DNAH12: variants seen among roughly 807,000 people sequenced by gnomAD.
DNAH12 encodes dynein axonemal heavy chain 12, also known as axonemal beta dynein heavy chain 12.
A neutral mutation model predicts 371.5 loss-of-function variants in DNAH12; 285 were observed. The observed-to-expected ratio is 0.77, with a 90% CI of 0.70 to 0.85. The LOEUF is 0.85. DNAH12 is among the 40% of genes least tolerant of loss of function. DNAH12 has a pLI of 0.00. For missense variants in DNAH12, 3,611 were observed against 3,689.4 expected (o/e 0.98, Z 0.55); for synonymous variants, 1,200 against 1,213.0 (o/e 0.99, Z 0.22).
At chr3:57,340,817 T>C (rs2062375438) in intron 60 of DNAH12, among the ~76,000 whole-genome samples, 2 of 152,160 alleles carry the variant, frequency 1.3e-5, no homozygotes, top group African/African-American at 4.8e-5. Context: ...AAGGCCAGCA[T>C]AACCCTGACG....
intron 60 of DNAH12, among the ~76,000 whole-genome samples, chr3:57,344,389 T>C (rs2062487279): frequency 6.6e-6 from 1 of 152,162 alleles, no homozygotes; most frequent in Admixed American, 6.5e-5. Context: ...TGGAGGTTCC[T>C]CAAAAACTAC....
chr3:57,294,000 T>A, intron 73 of DNAH12, 29 bp from the exon 74 acceptor site: 1 of 1,429,188 alleles, frequency 7.0e-7, no homozygotes, highest in Non-Finnish European at 9.2e-7. Flanking sequence ...ATATATTCAC[T>A]TGATAAAGGG....
At chr3:57,319,502 G>A (rs1055411127) in intron 65 of DNAH12, among the ~76,000 whole-genome samples, 23 of 152,178 alleles carry the variant, frequency 1.5e-4, no homozygotes, top group African/African-American at 5.5e-4. Context: ...AATATAAGTT[G>A]TGGTATTTTC....
chr3:57,457,633 C>CT (rs1472161526), intron 22 of DNAH12, 88 bp downstream of exon 22: 1 of 1,344,940 alleles, frequency 7.4e-7, no homozygotes. Context: ...ATAGTAAGAA[C>CT]TTTAAGTGTT....
At position 57,458,113 on chromosome 3, in the gene DNAH12, A is replaced by T. The variant is rs776924063; in HGVS notation, c.3039T>A (p.Arg1013=). ...KGLNAYLEKK[R]LFFPRFFFLS... is the part of the protein sequence containing the mutation. ...ATTTATCATACCGAGGGAAGAAAAG[A>T]CGTTTCTTTTCAAGATATGCGTTAA... Residue 1013 remains arginine, a synonymous_variant, in exon 21 of 74, where the codon CGT becomes CGA. Transcript: ENST00000495027. The T allele has an allele frequency of 1.9e-6, 3 of 1,545,208 alleles. No homozygotes were observed. In the Admixed American group the frequency reaches 6.1e-5, roughly 31 times the overall value.
chr3:57,296,879 T>C lies in DNAH12; in HGVS notation c.11500A>G (p.Thr3834Ala), dbSNP rs2061244415. ...TCATATCCTAGCAAATCAATAGGGG[T>C]GGTATATTTTCTGGCATAATTCTGC... ...AMQNYARKYT[T>A]PIDLLGYEFE... The change falls in exon 71 of 74, where the codon ACC (threonine) becomes GCC (alanine). Residue 3834 changes from threonine to alanine, a missense_variant. By Grantham distance (58) the Thr-to-Ala change is moderately conservative (BLOSUM62 0). Coordinates refer to ENST00000495027, the MANE Select transcript of DNAH12 (RefSeq NM_001366028.2). 1.3e-6 allele frequency: 2 copies of C among 1,551,470 alleles called. No homozygotes were observed. Among genetic ancestry groups the C allele is most frequent in the Non-Finnish European group, 1.7e-6 (2 of 1,146,958 alleles).
chr3:57,313,064 G>T (rs1348008001), intron 66 of DNAH12, among the ~76,000 whole-genome samples: 1 of 152,008 alleles, frequency 6.6e-6, no homozygotes, highest in Admixed American at 6.6e-5. Flanking sequence ...TTTCAAAAAG[G>T]CCCCTCAGAA....
chr3:57,410,802 C>G (rs544946137), intron 39 of DNAH12, among the ~76,000 whole-genome samples: 1 of 143,628 alleles, frequency 7.0e-6, no homozygotes, highest in Non-Finnish European at 1.5e-5. Context: ...AGTGACAGAG[C>G]AAGACTTTGT....
At chr3:57,382,704 C>A (rs1463815602) in intron 49 of DNAH12, among the ~76,000 whole-genome samples, 1 of 151,916 alleles carries the variant, frequency 6.6e-6, no homozygotes, top group Non-Finnish European at 1.5e-5. Flanking sequence ...CACACCCATA[C>A]GTGGAACCTA....
chr3:57,501,946 G>T (rs370018874), intron 10 of DNAH12, among the ~76,000 whole-genome samples: 2 of 149,244 alleles, frequency 1.3e-5, no homozygotes, highest in Non-Finnish European at 3.0e-5. Context: ...TCGCTCTATC[G>T]CCCAGGCTGG....
intron 60 of DNAH12, among the ~76,000 whole-genome samples, chr3:57,336,679 TA>T (rs1258031054): frequency 1.3e-5 from 2 of 152,114 alleles, no homozygotes; most frequent in African/African-American, 2.4e-5. Flanking sequence ...AAGATTTTTT[TA>T]AAAAATCATT....
intron 62 of DNAH12, among the ~76,000 whole-genome samples, chr3:57,329,942 G>C (rs945422050): frequency 1.3e-5 from 2 of 152,038 alleles, no homozygotes; most frequent in African/African-American, 4.8e-5. Flanking sequence ...CATTTATGCA[G>C]CCAAAAAACA....
chr3:57,353,481 G>C (rs1559581554), intron 59 of DNAH12, among the ~76,000 whole-genome samples: 1 of 152,072 alleles, frequency 6.6e-6, no homozygotes, highest in Admixed American at 6.5e-5. Flanking sequence ...TTTTTGTAGA[G>C]ATGGGGTTTC....
intron 2 of DNAH12, among the ~76,000 whole-genome samples, chr3:57,525,753 A>ATTAT: frequency 1.6e-5 from 1 of 62,830 alleles, no homozygotes; most frequent in Admixed American, 1.8e-4. Context: ...AGTATGTCTT[A>ATTAT]TTCTTTTTTT....
At chr3:57,359,559 C>CA (rs1268515074) in intron 58 of DNAH12, among the ~76,000 whole-genome samples, 23,383 of 71,894 alleles carry the variant, frequency 0.33, 3,978 homozygotes, top group Non-Finnish European at 0.47. Flanking sequence ...AACTCCATCT[C>CA]AAAAAAAAAA....
chr3:57,361,988 T>C (rs1343540414), intron 58 of DNAH12, among the ~76,000 whole-genome samples: 1 of 152,128 alleles, frequency 6.6e-6, no homozygotes, highest in Middle Eastern at 3.2e-3. Context: ...ACATTAGGTA[T>C]GCCTCCTAAT....
intron 67 of DNAH12, among the ~76,000 whole-genome samples, chr3:57,310,190 CAT>C (rs753302349): frequency 1.3e-5 from 2 of 152,156 alleles, no homozygotes; most frequent in Non-Finnish European, 2.9e-5. Context: ...TAGTTTCCCC[CAT>C]ATGTTTCCTA....
At chr3:57,340,736 T>C (rs2062373042) in intron 60 of DNAH12, among the ~76,000 whole-genome samples, 1 of 152,202 alleles carries the variant, frequency 6.6e-6, no homozygotes, top group Non-Finnish European at 1.5e-5. Flanking sequence ...AAAGAACTAA[T>C]ATTTTTAAAA....
intron 2 of DNAH12, among the ~76,000 whole-genome samples, chr3:57,532,618 C>T (rs1298211696): frequency 6.6e-6 from 1 of 152,224 alleles, no homozygotes; most frequent in African/African-American, 2.4e-5. Flanking sequence ...GGATAAGATC[C>T]AGAAGTATTC....
Sources: gnomAD v4.1 joint callset for allele counts (sites outside exome capture counted in the v4.1 genomes callset) on GRCh38, gnomAD v4.1.1 for gene constraint, MANE v1.5 for transcripts, NCBI Gene and HGNC (gene_info 2026-07-23, HGNC 2026-07-21) for gene names.